The following CSMD3 variants were observed in gnomAD, a reference collection of about 807,000 sequenced individuals.
The protein encoded by CSMD3 is CUB and Sushi multiple domains 3.
CSMD3 carries 177 observed loss-of-function variants against 435.2 expected under a neutral mutation model. The observed-to-expected ratio is 0.41, with a 90% CI of 0.36 to 0.46. CSMD3 has a LOEUF of 0.46. Ranked by LOEUF, CSMD3 falls within the 20% of genes least tolerant of loss-of-function variation. The pLI, the probability that CSMD3 is intolerant of heterozygous loss-of-function variation, is 0.34. For missense variants in CSMD3, 4,265 were observed against 4,504.6 expected (o/e 0.95, Z 1.52); for synonymous variants, 1,656 against 1,520.5 (o/e 1.09, Z -2.07).
intron 9 of CSMD3, among the ~76,000 whole-genome samples, chr8:112,924,106 T>C (rs1245485094): frequency 6.6e-6 from 1 of 152,178 alleles, no homozygotes; most frequent in African/African-American, 2.4e-5. Context: ...TAGGCCATGA[T>C]AAGGATTTTG....
Position 113,230,131 on chromosome 8 carries a change from C to CTT in CSMD3, c.514+48460_514+48461insAA, listed in dbSNP as rs1219013779. On this transcript the variant is annotated intron_variant, in intron 3 of 70. Transcript: ENST00000297405. ...TGGTTTCTGATGTTTTAAGTTAATA[C>CTT]ATGGATAGAAATTAAGGACTAGCAA... Among the ~76,000 whole-genome samples, 995 of 151,766 alleles carry CTT rather than the reference C, an allele frequency of 6.6e-3. 11 individuals are homozygous for CTT. The highest frequency in any genetic ancestry group is 0.022 in the African/African-American group (896 of 41,502).
chr8:112,529,284 C>G (rs1172353459), intron 27 of CSMD3, among the ~76,000 whole-genome samples: 1 of 152,090 alleles, frequency 6.6e-6, no homozygotes, highest in Non-Finnish European at 1.5e-5. Flanking sequence ...CCCAGTGGGT[C>G]AGCACAGAGC....
intron 1 of CSMD3, among the ~76,000 whole-genome samples, chr8:113,432,428 T>C (rs924629918): frequency 6.6e-6 from 1 of 152,244 alleles, no homozygotes; most frequent in Admixed American, 6.5e-5. Context: ...GCAATCCCTG[T>C]GCGTGCCCCT....
chr8:113,397,203 G>C (rs923555027), intron 1 of CSMD3, among the ~76,000 whole-genome samples: 1 of 152,024 alleles, frequency 6.6e-6, no homozygotes, highest in African/African-American at 2.4e-5. Flanking sequence ...GTTAAATTTT[G>C]TTAATCTGAA....
At chr8:112,255,501 ACAAT>A in intron 61 of CSMD3, 74 bp from the exon 62 acceptor site, 1 of 1,300,044 alleles carries the variant, frequency 7.7e-7, no homozygotes, top group Non-Finnish European at 1.1e-6. Flanking sequence ...AAAAATGGTG[ACAAT>A]CAATTTGAAT....
At chr8:112,457,033 T>A (rs1013216057) in intron 32 of CSMD3, among the ~76,000 whole-genome samples, 5 of 152,102 alleles carry the variant, frequency 3.3e-5, no homozygotes, top group African/African-American at 1.2e-4. Flanking sequence ...TGTCATGAGA[T>A]AATATTATGT....
At chr8:112,464,756 C>A (rs546445709) in intron 32 of CSMD3, among the ~76,000 whole-genome samples, 2 of 152,234 alleles carry the variant, frequency 1.3e-5, no homozygotes, top group East Asian at 3.9e-4. Context: ...TGAGATGCAC[C>A]ACTTAGCAAA....
rs144931325 is a variant in CSMD3, at chr8:113,140,870, G to A, written c.709+32852C>T. ...CTAAAGAAGAGCAAACAACCTCAAA[G>A]TAAGCAGAAGTAAGTAAATAATAAA... On this transcript the variant is annotated intron_variant, in intron 4 of 70. Transcript: ENST00000297405. Among the ~76,000 whole-genome samples, 874 of 150,726 alleles carry A rather than the reference G, an allele frequency of 5.8e-3. 4 individuals carry two copies. Among genetic ancestry groups the A allele is most frequent in the African/African-American group, 0.019 (787 of 41,342 alleles).
intron 31 of CSMD3, among the ~76,000 whole-genome samples, chr8:112,481,163 G>T (rs2130797761): frequency 6.6e-6 from 1 of 152,250 alleles, no homozygotes; most frequent in South Asian, 2.1e-4. Context: ...GCAGGGGTAT[G>T]TATGTGGGAT....
chr8:112,829,378 G>A (rs985367999), intron 12 of CSMD3, among the ~76,000 whole-genome samples: 3 of 152,144 alleles, frequency 2.0e-5, no homozygotes, highest in Admixed American at 1.3e-4. Context: ...CTCACCAGAC[G>A]TCAAATCTGC....
chr8:112,806,649 G>C (rs1031395150), intron 12 of CSMD3, among the ~76,000 whole-genome samples: 1 of 152,064 alleles, frequency 6.6e-6, no homozygotes, highest in South Asian at 2.1e-4. Flanking sequence ...GTATTACAGG[G>C]GTAAGAGAAG....
chr8:112,803,799 T>C (rs2079016179), intron 12 of CSMD3, among the ~76,000 whole-genome samples: 1 of 152,184 alleles, frequency 6.6e-6, no homozygotes, highest in Admixed American at 6.5e-5. Flanking sequence ...TTCTTTTCCC[T>C]GCTTCCCAGA....
intron 1 of CSMD3, among the ~76,000 whole-genome samples, chr8:113,353,456 T>C (rs563229026): frequency 6.6e-6 from 1 of 152,304 alleles, no homozygotes; most frequent in South Asian, 2.1e-4. Flanking sequence ...GCAGTAATTA[T>C]ATACAACACT....
chr8:113,008,114 G>T lies in CSMD3; in HGVS notation c.1030+10953C>A, dbSNP rs919414771. 5.3e-5 allele frequency among the ~76,000 whole-genome samples: 8 copies of T among 151,772 alleles called. No individual in the cohort carries two copies. In the South Asian group the frequency reaches 1.0e-3, roughly 20 times the overall value. On this transcript the variant is annotated intron_variant, in intron 6 of 70. Coordinates refer to ENST00000297405, the MANE Select transcript of CSMD3 (RefSeq NM_198123.2). ...AAAAAAAGAGAAATTAGCTTTCAAA[G>T]GAGTATTTTTTAAATTATTAACAGT...
intron 1 of CSMD3, among the ~76,000 whole-genome samples, chr8:113,324,850 G>A (rs1020757931): frequency 1.3e-5 from 2 of 152,188 alleles, no homozygotes; most frequent in Non-Finnish European, 1.5e-5. Flanking sequence ...CCACAGGGGT[G>A]GAGCTGCCCA....
intron 39 of CSMD3, among the ~76,000 whole-genome samples, chr8:112,351,858 G>A (rs1348123566): frequency 6.6e-6 from 1 of 151,342 alleles, no homozygotes; most frequent in African/African-American, 2.4e-5. Context: ...ATTCTTTAAG[G>A]AAATTTTTAT....
intron 5 of CSMD3, among the ~76,000 whole-genome samples, chr8:113,037,626 T>C (rs1334950148): frequency 6.6e-6 from 1 of 152,140 alleles, no homozygotes; most frequent in East Asian, 1.9e-4. Context: ...ATGACAAATG[T>C]ATTGGTATTC....
At chr8:112,309,808 A>T (rs777887390) in intron 50 of CSMD3, among the ~76,000 whole-genome samples, 3 of 152,150 alleles carry the variant, frequency 2.0e-5, no homozygotes, top group Non-Finnish European at 2.9e-5. Flanking sequence ...TAATAGGTAA[A>T]AGAAGCCATT....
At chr8:113,360,190 A>C (rs889527054) in intron 1 of CSMD3, among the ~76,000 whole-genome samples, 1 of 152,186 alleles carries the variant, frequency 6.6e-6, no homozygotes, top group African/African-American at 2.4e-5. Context: ...GATGAGACAG[A>C]GATGGTCAAA....
Sources: allele counts gnomAD v4.1 joint callset (sites outside exome capture counted in the v4.1 genomes callset), GRCh38; gene constraint gnomAD v4.1.1; transcripts MANE v1.5; gene names NCBI Gene and HGNC (gene_info 2026-07-23, HGNC 2026-07-21).